Variants in PCDH15 observed in about 807,000 individuals in gnomAD.
The protein encoded by PCDH15 is protocadherin related 15.
PCDH15 carries 129 observed loss-of-function variants against 178.5 expected under a neutral mutation model. The observed-to-expected ratio is 0.72, with a 90% CI of 0.63 to 0.84. The LOEUF (loss-of-function observed/expected upper bound fraction) is 0.84. PCDH15 is among the 40% of genes least tolerant of loss of function. PCDH15 has a pLI of 0.00. For synonymous variants in PCDH15, 800 were observed against 732.0 expected, an observed-to-expected ratio of 1.09 and a Z score of -1.50; for missense variants, 2,230 against 2,099.9, an observed-to-expected ratio of 1.06 and a Z score of -1.21.
intron 27 of PCDH15, among the ~76,000 whole-genome samples, chr10:53,863,442 T>C (rs141605587): frequency 2.0e-5 from 3 of 152,088 alleles, no homozygotes; most frequent in Non-Finnish European, 4.4e-5. Flanking sequence ...ACTGGCATCA[T>C]CAGTACATTT....
intron 8 of PCDH15, among the ~76,000 whole-genome samples, chr10:54,258,271 G>A (rs780869055): frequency 5.3e-5 from 8 of 152,124 alleles, no homozygotes; most frequent in Non-Finnish European, 8.8e-5. Context: ...TTTGCTGACA[G>A]AGAAGGAAAA....
intron 13 of PCDH15, among the ~76,000 whole-genome samples, chr10:54,167,644 G>C (rs1213200656): frequency 2.0e-5 from 3 of 151,714 alleles, no homozygotes; most frequent in Non-Finnish European, 1.5e-5. Flanking sequence ...CTGCTTTTCT[G>C]GGAGAGGGGC....
At chr10:54,054,302 GA>G (rs2135670205) in intron 18 of PCDH15, among the ~76,000 whole-genome samples, 1 of 152,142 alleles carries the variant, frequency 6.6e-6, no homozygotes, top group South Asian at 2.1e-4. Context: ...CAACTTAGAT[GA>G]TACTTTCAAA....
At chr10:55,400,533 T>A (rs1003580408) in intron 2 of PCDH15, among the ~76,000 whole-genome samples, 1 of 152,090 alleles carries the variant, frequency 6.6e-6, no homozygotes, top group Non-Finnish European at 1.5e-5. Flanking sequence ...ATTCACCTAC[T>A]CACTAAAATT....
intron 18 of PCDH15, among the ~76,000 whole-genome samples, chr10:54,029,506 T>C (rs1214419110): frequency 6.6e-6 from 1 of 152,122 alleles, no homozygotes; most frequent in Non-Finnish European, 1.5e-5. Flanking sequence ...TGCTGGGAAA[T>C]TGGCTGATAG....
chr10:54,140,204 T>C (rs142352527), intron 14 of PCDH15, among the ~76,000 whole-genome samples: 203 of 152,330 alleles, frequency 1.3e-3, no homozygotes, highest in African/African-American at 4.7e-3. Context: ...TTGGCAATTT[T>C]TTAAATATAG....
In PCDH15 at chr10:53,840,376, A is replaced by G. The variant is rs1165789834; in HGVS notation, c.3927T>C (p.Thr1309=). 1.2e-6 allele frequency: 2 copies of G among 1,614,192 alleles called. No homozygotes were observed. The highest frequency in any genetic ancestry group is 1.6e-4 in the Middle Eastern group (1 of 6,062). ...SLEDYTKCDL[T]VYAIDPQTNR... The stretch of plus-strand genomic sequence containing the variant: ...TGGTTTGGGGGTCAATTGCATAGAC[A>G]GTCAAGTCACATTTGGTGTAATCTT... Residue 1309 remains threonine (T), a synonymous_variant, in exon 29 of 38, where the codon ACT becomes ACC. Transcript: ENST00000644397.
intron 3 of PCDH15, among the ~76,000 whole-genome samples, chr10:54,892,072 C>T (rs890867482): frequency 2.0e-5 from 3 of 152,032 alleles, no homozygotes; most frequent in Non-Finnish European, 2.9e-5. Context: ...TTCCTCACCC[C>T]ACATACATAC....
chr10:53,943,981 C>T (rs1487187428), intron 23 of PCDH15, among the ~76,000 whole-genome samples: 2 of 152,102 alleles, frequency 1.3e-5, no homozygotes, highest in Non-Finnish European at 2.9e-5. Context: ...AAATTGCATA[C>T]TCTCTTTGGA....
chr10:54,214,724 G>A (rs374439011), intron 9 of PCDH15, among the ~76,000 whole-genome samples: 1 of 152,026 alleles, frequency 6.6e-6, no homozygotes, highest in African/African-American at 2.4e-5. Context: ...CCAAATAGCT[G>A]GGATTATAGG....
chr10:55,542,508 G>C (rs1255630883), intron 2 of PCDH15, among the ~76,000 whole-genome samples: 1 of 150,466 alleles, frequency 6.6e-6, no homozygotes, highest in South Asian at 2.1e-4. Context: ...CATATGTACA[G>C]TATGTATATA....
intron 1 of PCDH15, among the ~76,000 whole-genome samples, chr10:54,665,631 T>A (rs983953756): frequency 6.6e-6 from 1 of 152,072 alleles, no homozygotes; most frequent in Non-Finnish European, 1.5e-5. Context: ...GCTCTTTTTT[T>A]AAACTAATGG....
chr10:53,858,699 C>A (rs1338498295), intron 27 of PCDH15, among the ~76,000 whole-genome samples: 1 of 152,080 alleles, frequency 6.6e-6, no homozygotes, highest in Non-Finnish European at 1.5e-5. Flanking sequence ...TAACCTTGTA[C>A]CCCTAACCCG....
At chr10:54,749,144 T>G (rs548845647) in intron 1 of PCDH15, among the ~76,000 whole-genome samples, 1 of 143,172 alleles carries the variant, frequency 7.0e-6, no homozygotes, top group Admixed American at 6.8e-5. Context: ...CTTAGCCTTA[T>G]AATTCCCAGG....
intron 3 of PCDH15, among the ~76,000 whole-genome samples, chr10:54,512,277 G>A (rs2081756711): frequency 6.6e-6 from 1 of 151,512 alleles, no homozygotes. Flanking sequence ...TGTAGATGCA[G>A]GTATGGTTTC....
At chr10:54,984,545 T>C (rs990177163) in intron 2 of PCDH15, among the ~76,000 whole-genome samples, 1 of 152,164 alleles carries the variant, frequency 6.6e-6, no homozygotes, top group Non-Finnish European at 1.5e-5. Context: ...AGCATAAAAG[T>C]AGACAGCTTT....
At chr10:54,859,348 TTC>T (rs756887094) in intron 3 of PCDH15, among the ~76,000 whole-genome samples, 43 of 152,208 alleles carry the variant, frequency 2.8e-4, no homozygotes, top group Non-Finnish European at 1.2e-4. Context: ...TTTTTATATC[TTC>T]TTTTTCCCTC....
intron 3 of PCDH15, among the ~76,000 whole-genome samples, chr10:54,863,716 CTTTA>C (rs1168422429): frequency 6.6e-6 from 1 of 152,014 alleles, no homozygotes; most frequent in Non-Finnish European, 1.5e-5. Flanking sequence ...AAATTTAAAG[CTTTA>C]TTTGTCAAAC....
intron 2 of PCDH15, among the ~76,000 whole-genome samples, chr10:55,124,662 T>C (rs1194473807): frequency 2.0e-5 from 3 of 152,108 alleles, no homozygotes; most frequent in African/African-American, 7.2e-5. Flanking sequence ...TGAAAATGTA[T>C]TAAATATAAC....
Sources: gnomAD v4.1 joint callset for allele counts (sites outside exome capture counted in the v4.1 genomes callset) on GRCh38, gnomAD v4.1.1 for gene constraint, MANE v1.5 for transcripts, NCBI Gene and HGNC (gene_info 2026-07-23, HGNC 2026-07-21) for gene names.